ZDHHC20: variants seen among roughly 807,000 people sequenced by gnomAD.
The protein encoded by ZDHHC20 is zDHHC palmitoyltransferase 20.
ZDHHC20 carries 43 observed loss-of-function variants against 57.8 expected under a neutral mutation model. The ratio of observed to expected loss-of-function variants is 0.74; its 90% confidence interval spans 0.58 to 0.96. The LOEUF is 0.96. Among genes scored for constraint, ZDHHC20 ranks in the 40% least tolerant of loss-of-function variants. The pLI is 0.00. For missense variants in ZDHHC20, 391 were observed against 441.1 expected (o/e 0.89, Z 1.02); for synonymous variants, 157 against 153.0 (o/e 1.03, Z -0.19).
In ZDHHC20 at chr13:21,376,389, A is replaced by G; in HGVS notation, c.*307T>C. Reference sequence around the variant, plus strand: ...GCATGTTAAAATGTGATGACAGCTCATATTATAGCAACTCATAACAGGTAA... The same window carrying G: ...GCATGTTAAAATGTGATGACAGCTCGTATTATAGCAACTCATAACAGGTAA... On this transcript the variant is annotated 3_prime_UTR_variant, in exon 13 of 13. Coordinates refer to ENST00000400590, the MANE Select transcript of ZDHHC20 (RefSeq NM_001330059.2). 3.8e-6 allele frequency: 1 copy of G among 262,274 alleles called. No homozygotes were observed. Among genetic ancestry groups the G allele is most frequent in the Non-Finnish European group, 7.3e-6 (1 of 137,704 alleles). 16.2% of individuals were successfully genotyped at this position (262,274 alleles called of 1,614,324 possible). A position where few individuals can be genotyped will look rare whatever the true frequency, so the allele number is the denominator to read the frequency against.
chr13:21,413,863 CA>C, intron 3 of ZDHHC20, 91 bp from the exon 4 acceptor site: 1 of 1,096,956 alleles, frequency 9.1e-7, no homozygotes, highest in South Asian at 1.6e-5. Flanking sequence ...AAAAGAAAAC[CA>C]AAAACTATTT....
At chr13:21,423,446 C>T (rs930280403) in intron 2 of ZDHHC20, among the ~76,000 whole-genome samples, 1 of 151,958 alleles carries the variant, frequency 6.6e-6, no homozygotes, top group South Asian at 2.1e-4. Flanking sequence ...GAGGCTGGGG[C>T]GGGCGGATCA....
intron 1 of ZDHHC20, among the ~76,000 whole-genome samples, chr13:21,428,494 C>T (rs1881542963): frequency 6.6e-6 from 1 of 151,672 alleles, no homozygotes; most frequent in South Asian, 2.1e-4. Flanking sequence ...GCTGGGATTA[C>T]AGGCGTGAGC....
chr13:21,412,057 G>A (rs1325325387), intron 4 of ZDHHC20, among the ~76,000 whole-genome samples: 2 of 152,198 alleles, frequency 1.3e-5, no homozygotes, highest in African/African-American at 2.4e-5. Context: ...ATGAAGTCTT[G>A]ATAGTGGCGA....
Position 21,376,496 on chromosome 13 carries a change from C to T in ZDHHC20, c.*200G>A, listed in dbSNP as rs986116869. 7.0e-6 allele frequency: 3 copies of T among 429,082 alleles called. No homozygotes were observed. Among genetic ancestry groups the T allele is most frequent in the African/African-American group, 6.2e-5 (3 of 48,614 alleles). The allele number at this position is 429,082 out of a possible 1,614,324, so 26.6% of individuals were successfully genotyped here. On this transcript the variant is annotated 3_prime_UTR_variant, in exon 13 of 13. Transcript: ENST00000400590. ...AAATGGACACTTAAGATTAAGGCAT[C>T]ATTCTGCTCTGGAGTAGTGCTTCTG...
Position 21,402,862 on chromosome 13 carries a change from G to A in ZDHHC20, c.375C>T (p.Ile125=), listed in dbSNP as rs1036286940. Residue 125 remains isoleucine, a synonymous_variant, in exon 5 of 13, where the codon ATC becomes ATT. Coordinates refer to ENST00000400590, the MANE Select transcript of ZDHHC20 (RefSeq NM_001330059.2). ...PIYTTSASKT[I]RYCEKCQLIK... ...TCAGCTGACATTTTTCACAATATCT[G>A]ATAGCTACATGAAAGAAGTAAAAGG... The A allele has an allele frequency of 6.3e-7, 1 of 1,589,634 alleles. No individual in the cohort carries two copies. The highest frequency in any genetic ancestry group is 2.3e-5 in the East Asian group (1 of 44,218).
At chr13:21,379,205 G>A (rs542934463) in intron 11 of ZDHHC20, among the ~76,000 whole-genome samples, 63 of 152,102 alleles carry the variant, frequency 4.1e-4, no homozygotes, top group African/African-American at 1.4e-3. Context: ...TCAGAAATTC[G>A]AACAGTAGGT....
intron 1 of ZDHHC20, among the ~76,000 whole-genome samples, chr13:21,440,941 A>G (rs1404788606): frequency 6.6e-6 from 1 of 152,136 alleles, no homozygotes; most frequent in African/African-American, 2.4e-5. Context: ...AGTTCACAGC[A>G]AAATTGGGCA....
rs550951105 is a variant in ZDHHC20 at position 21,399,299 on chromosome 13, C to T, written c.594+1074G>A. Reference sequence around the variant, plus strand: ...GGCAGAGGTTATAGTAAGATGAGATCGCGCCACTGCACTCCAGCCTGGGTG... The same window carrying T: ...GGCAGAGGTTATAGTAAGATGAGATTGCGCCACTGCACTCCAGCCTGGGTG... On this transcript the variant is annotated intron_variant, in intron 7 of 12. Transcript: ENST00000400590. Among the ~76,000 whole-genome samples, 8 of 151,908 alleles carry T rather than the reference C, an allele frequency of 5.3e-5. No individual in the cohort carries two copies. In the South Asian group the frequency reaches 1.0e-3, roughly 20 times the overall value.
At chr13:21,408,157 A>G (rs1488460315) in intron 4 of ZDHHC20, among the ~76,000 whole-genome samples, 4 of 152,204 alleles carry the variant, frequency 2.6e-5, no homozygotes, top group African/African-American at 9.7e-5. Context: ...TTCTGTGAAG[A>G]AAGTCAATGG....
intron 1 of ZDHHC20, among the ~76,000 whole-genome samples, chr13:21,447,551 C>G (rs910122678): frequency 9.5e-5 from 14 of 147,108 alleles, no homozygotes; most frequent in Non-Finnish European, 1.5e-4. Context: ...CCCGAGGTGC[C>G]GGGATTGCAG....
chr13:21,446,023 G>A (rs1343978427), intron 1 of ZDHHC20, among the ~76,000 whole-genome samples: 3 of 152,220 alleles, frequency 2.0e-5, no homozygotes, highest in African/African-American at 7.2e-5. Context: ...CAGATGAAAA[G>A]AAAGGTGGCC....
At chr13:21,437,785 G>A (rs572423310) in intron 1 of ZDHHC20, among the ~76,000 whole-genome samples, 129 of 151,914 alleles carry the variant, frequency 8.5e-4, no homozygotes, top group African/African-American at 2.6e-3. Flanking sequence ...TCCACCTCCC[G>A]GGTTCACGCC....
In ZDHHC20 at chr13:21,438,535, C is replaced by G. The variant is rs1029886159; in HGVS notation, c.119-12857G>C. ...CTGCAACCTCATGATAAAACTTGAA[C>G]AGACGAGGAGTTGCTTTGTATGGAA... On this transcript the variant is annotated intron_variant, in intron 1 of 12. Transcript: ENST00000400590. Among the ~76,000 whole-genome samples the G allele has an allele frequency of 2.0e-5, 3 of 152,178 alleles. No homozygotes were observed. The East Asian group carries it at 5.8e-4, about 29-fold the overall frequency.
At chr13:21,391,574 G>T in intron 8 of ZDHHC20, 148 bp downstream of exon 8, 1 of 800,458 alleles carries the variant, frequency 1.2e-6, no homozygotes, top group Non-Finnish European at 1.9e-6. Flanking sequence ...TGTCTCTGCA[G>T]TAGCTGGGAT....
At chr13:21,444,559 T>A (rs1312226903) in intron 1 of ZDHHC20, among the ~76,000 whole-genome samples, 2 of 152,208 alleles carry the variant, frequency 1.3e-5, no homozygotes, top group East Asian at 3.8e-4. Context: ...AGTAAATTTA[T>A]GTTGTTCTAC....
At chr13:21,416,347 A>C (rs1455719098) in intron 3 of ZDHHC20, among the ~76,000 whole-genome samples, 1 of 152,196 alleles carries the variant, frequency 6.6e-6, no homozygotes, top group East Asian at 1.9e-4. Flanking sequence ...AATTAGTACT[A>C]CAAGTTTGTC....
chr13:21,415,219 G>C (rs1392572320), intron 3 of ZDHHC20, among the ~76,000 whole-genome samples: 1 of 152,190 alleles, frequency 6.6e-6, no homozygotes, highest in Admixed American at 6.5e-5. Flanking sequence ...TAAGATTGCA[G>C]AACTACTGGC....
rs1317999538 is a variant in ZDHHC20, at chr13:21,382,280, AATAT to A, written c.944+636_944+639del. Among the ~76,000 whole-genome samples the A allele has an allele frequency of 5.3e-5, 8 of 152,226 alleles. No homozygotes were observed. The South Asian group carries it at 6.2e-4, about 12-fold the overall frequency. The stretch of plus-strand genomic sequence containing the variant: ...TAAGATTTATGGTTCTTCCAATATT[AATAT>A]GCTAGCTTAGAACTTATCATTTTCT... On this transcript the variant is annotated intron_variant, in intron 10 of 12. Transcript: ENST00000400590.
Sources: allele counts gnomAD v4.1 joint callset (sites outside exome capture counted in the v4.1 genomes callset), GRCh38; gene constraint gnomAD v4.1.1; transcripts MANE v1.5; gene names NCBI Gene and HGNC (gene_info 2026-07-23, HGNC 2026-07-21).